DCAF5: variants seen among roughly 807,000 people sequenced by gnomAD.
The protein encoded by DCAF5 is DDB1 and CUL4 associated factor 5.
DCAF5 carries 9 observed loss-of-function variants against 80.7 expected under a neutral mutation model. The observed-to-expected ratio is 0.11, with a 90% CI of 0.07 to 0.19. DCAF5 has a LOEUF of 0.19. Ranked by LOEUF, DCAF5 falls within the 10% of genes least tolerant of loss-of-function variation. The probability of loss-of-function intolerance (pLI) is 1.00; values close to 1 mark genes in which losing one functional copy is unlikely to be tolerated. For synonymous variants in DCAF5, 433 were observed against 461.9 expected, an observed-to-expected ratio of 0.94 and a Z score of 0.80; for missense variants, 842 against 1,205.7, an observed-to-expected ratio of 0.70 and a Z score of 4.47.
At chr14:69,072,539 T>G (rs1398746924) in intron 7 of DCAF5, among the ~76,000 whole-genome samples, 1 of 147,742 alleles carries the variant, frequency 6.8e-6, no homozygotes, top group Non-Finnish European at 1.5e-5. Context: ...GCCCAGGAGC[T>G]CAAGGCTGTA....
chr14:69,070,934 A>G (rs2038666407), intron 7 of DCAF5, among the ~76,000 whole-genome samples: 1 of 151,870 alleles, frequency 6.6e-6, no homozygotes, highest in Non-Finnish European at 1.5e-5. Flanking sequence ...AGTAGCTGGG[A>G]TGATGGGTGT....
In DCAF5 at chr14:69,054,145, G is replaced by A. The variant is rs112398952; in HGVS notation, c.2541C>T (p.Asn847=). 9.5e-5 allele frequency: 153 copies of A among 1,614,242 alleles called. No individual in the cohort carries two copies. The African/African-American group carries it at 1.3e-3, about 13-fold the overall frequency. Reference sequence around the variant, plus strand: ...CCTCCAGCTCCCCCAAGTTCTGCCCGTTATTGTGAGGGTGAGGGGGACGAG... The same window carrying A: ...CCTCCAGCTCCCCCAAGTTCTGCCCATTATTGTGAGGGTGAGGGGGACGAG... ...LHPRPPHPHN[N]GQNLGELEVV... is the part of the protein sequence containing the mutation. The change falls in exon 9 of 9, where the codon AAC becomes AAT. Residue 847 remains asparagine (N), a synonymous_variant. Transcript: ENST00000341516.
At chr14:69,112,445 A>G (rs1012602644) in intron 5 of DCAF5, among the ~76,000 whole-genome samples, 2 of 152,090 alleles carry the variant, frequency 1.3e-5, no homozygotes, top group African/African-American at 4.8e-5. Context: ...TGATTTAGTA[A>G]GAGAGGGAAC....
intron 1 of DCAF5, among the ~76,000 whole-genome samples, chr14:69,140,063 C>T (rs532427945): frequency 2.6e-5 from 4 of 151,870 alleles, no homozygotes; most frequent in Non-Finnish European, 4.4e-5. Context: ...CTCAGGAGAT[C>T]GAGACTAGCC....
In DCAF5 at chr14:69,118,002, C is replaced by T; in HGVS notation, c.535+137G>A. 2 of 1,250,714 alleles carry T rather than the reference C, an allele frequency of 1.6e-6. No individual in the cohort carries two copies. Among genetic ancestry groups the T allele is most frequent in the South Asian group, 1.4e-5 (1 of 73,526 alleles). The allele number at this position is 1,250,714 out of a possible 1,614,324, so 77.5% of individuals were successfully genotyped here. On this transcript the variant is annotated intron_variant, in intron 4 of 8. Transcript: ENST00000341516. The surrounding 1 kb of genome is among the most constrained non-coding windows in gnomAD (Gnocchi z 4.0). ...TAAGGCCTCCAAAGACCTCTTATGC[C>T]CCCATGTGAGTGTTTCACATTTCCT...
chr14:69,152,985 A>G lies in DCAF5; in HGVS notation c.-7T>C. The G allele has an allele frequency of 6.5e-7, 1 of 1,544,110 alleles. No homozygotes were observed. Among genetic ancestry groups the G allele is most frequent in the East Asian group, 2.5e-5 (1 of 39,652 alleles). The stretch of plus-strand genomic sequence containing the variant: ...GGCCAGCTCTCCTCTTCATGCTGGA[A>G]CCGCCGCCGCCGCCGCTCGCGCCGC... On this transcript the variant is annotated 5_prime_UTR_variant, in exon 1 of 9. Transcript: ENST00000341516. This position sits in a 1 kb window ranked among gnomAD's most constrained non-coding sequence, Gnocchi z 4.1.
At chr14:69,130,085 A>C (rs1259486042) in intron 1 of DCAF5, among the ~76,000 whole-genome samples, 2 of 152,236 alleles carry the variant, frequency 1.3e-5, no homozygotes, top group Admixed American at 6.5e-5. Flanking sequence ...AAACTAAGCA[A>C]GCCCTTACAA....
Position 69,091,845 on chromosome 14 carries a change from G to A in DCAF5, c.708C>T (p.Ala236=). Residue 236 remains alanine (A), a synonymous_variant, in exon 6 of 9, where the codon GCC becomes GCT. Coordinates refer to ENST00000341516, the MANE Select transcript of DCAF5 (RefSeq NM_003861.3). Reference sequence around the variant, plus strand: ...CGTTGCTGTTGAATCGTACACTCATGGCACTTTGGAGGGACAGGTTTCCAC... The same window carrying A: ...CGTTGCTGTTGAATCGTACACTCATAGCACTTTGGAGGGACAGGTTTCCAC... The part of the protein sequence containing the change: ...RYGGNLSLQS[A]MSVRFNSNGT... 6.2e-7 allele frequency: 1 copy of A among 1,614,030 alleles called. No homozygotes were observed. The highest frequency in any genetic ancestry group is 8.5e-7 in the Non-Finnish European group (1 of 1,179,978).
intron 1 of DCAF5, among the ~76,000 whole-genome samples, chr14:69,150,604 G>A (rs2041670651): frequency 6.6e-6 from 1 of 151,958 alleles, no homozygotes; most frequent in Non-Finnish European, 1.5e-5. Context: ...TTTAAAGTGT[G>A]AGCTAGGCAT....
At chr14:69,059,229 C>G (rs1387122384) in intron 8 of DCAF5, among the ~76,000 whole-genome samples, 1 of 152,108 alleles carries the variant, frequency 6.6e-6, no homozygotes, top group Non-Finnish European at 1.5e-5. Context: ...AGAGCACAGG[C>G]AGGCACCACC....
chr14:69,087,062 C>T (rs59428528), intron 6 of DCAF5, among the ~76,000 whole-genome samples: 5 of 152,254 alleles, frequency 3.3e-5, no homozygotes, highest in African/African-American at 9.6e-5. Flanking sequence ...CTATCCAGTT[C>T]GAGGCAAACA....
intron 1 of DCAF5, among the ~76,000 whole-genome samples, chr14:69,140,749 T>A (rs2041343537): frequency 6.6e-6 from 1 of 152,158 alleles, no homozygotes; most frequent in African/African-American, 2.4e-5. Flanking sequence ...TTTCAGCCTT[T>A]TTTTTCCCTT....
chr14:69,057,329 A>G (rs1413930802), intron 8 of DCAF5, among the ~76,000 whole-genome samples: 1 of 148,258 alleles, frequency 6.7e-6, no homozygotes, highest in Non-Finnish European at 1.5e-5. Context: ...TGAGGGGTCC[A>G]AAAGGGAAAG....
At chr14:69,126,454 G>C (rs1218219161) in intron 1 of DCAF5, among the ~76,000 whole-genome samples, 1 of 152,080 alleles carries the variant, frequency 6.6e-6, no homozygotes, top group African/African-American at 2.4e-5. Flanking sequence ...ACCATGCCTG[G>C]TCAAGACTCA....
intron 7 of DCAF5, among the ~76,000 whole-genome samples, chr14:69,073,065 A>C (rs1371762401): frequency 6.6e-6 from 1 of 152,248 alleles, no homozygotes; most frequent in Non-Finnish European, 1.5e-5. Context: ...GCAGCCAAAG[A>C]TTCTTATCTG....
chr14:69,102,926 T>C (rs2040014751), intron 5 of DCAF5, among the ~76,000 whole-genome samples: 1 of 152,190 alleles, frequency 6.6e-6, no homozygotes, highest in Non-Finnish European at 1.5e-5. Context: ...TACTACACTT[T>C]TATACGACTG....
intron 8 of DCAF5, among the ~76,000 whole-genome samples, chr14:69,057,698 C>A (rs888627940): frequency 6.6e-6 from 1 of 152,160 alleles, no homozygotes; most frequent in Non-Finnish European, 1.5e-5. Context: ...GAGTGAAACA[C>A]AGGATTAAGA....
intron 8 of DCAF5, among the ~76,000 whole-genome samples, chr14:69,061,486 C>T (rs1165191409): frequency 2.0e-5 from 3 of 152,090 alleles, no homozygotes; most frequent in Non-Finnish European, 4.4e-5. Context: ...AGGCTAGGAC[C>T]CACTTTTGCA....
intron 7 of DCAF5, among the ~76,000 whole-genome samples, chr14:69,067,054 C>T (rs2038471116): frequency 6.6e-6 from 1 of 152,188 alleles, no homozygotes; most frequent in Admixed American, 6.5e-5. Context: ...GCACTTCTAA[C>T]CTTTTAAACA....
Sources: gnomAD v4.1 joint callset for allele counts (sites outside exome capture counted in the v4.1 genomes callset) on GRCh38, gnomAD v4.1.1 for gene constraint, Gnocchi (gnomAD v3.1) non-coding constraint, MANE v1.5 for transcripts, NCBI Gene and HGNC (gene_info 2026-07-23, HGNC 2026-07-21) for gene names.